ME2: variants seen among roughly 807,000 people sequenced by gnomAD.
The protein encoded by ME2 is malic enzyme 2.
A neutral mutation model predicts 73.7 loss-of-function variants in ME2; 60 were observed. The observed-to-expected ratio is 0.81, with a 90% CI of 0.66 to 1.01. The LOEUF is 1.01. ME2 is among the 50% of genes least tolerant of loss of function. The probability of loss-of-function intolerance (pLI) is 0.00; values close to 1 mark genes in which losing one functional copy is unlikely to be tolerated. For missense variants in ME2, 594 were observed against 705.5 expected, an observed-to-expected ratio of 0.84 and a Z score of 1.79; for synonymous variants, 199 against 236.9, an observed-to-expected ratio of 0.84 and a Z score of 1.47.
chr18:50,914,480 C>T (rs1240385272), intron 4 of ME2, among the ~76,000 whole-genome samples: 1 of 152,104 alleles, frequency 6.6e-6, no homozygotes, highest in Non-Finnish European at 1.5e-5. Context: ...AAGAGCATGG[C>T]TTATGTGTGA....
chr18:50,931,206 T>C lies in ME2; in HGVS notation c.1315-1052T>C, dbSNP rs112455080. Among the ~76,000 whole-genome samples the C allele has an allele frequency of 4.0e-3, 602 of 152,332 alleles. 3 individuals are homozygous for C. Among genetic ancestry groups the C allele is most frequent in the Non-Finnish European group, 7.0e-3 (479 of 68,026 alleles). ...TATAGAGCATAGTATCAAAATTGGA[T>C]AGATGTGACAAATTTGGAGAAGTAT... On this transcript the variant is annotated intron_variant, in intron 12 of 15. Coordinates refer to ENST00000321341, the MANE Select transcript of ME2 (RefSeq NM_002396.5).
rs1400104564 is a variant in ME2, at chr18:50,952,824, A to G, written c.*5640A>G. ...TACAGTGGGCCGATAATGACAAACT[A>G]AAGTTTGTGGTTAATACCTACTCTA... On this transcript the variant is annotated 3_prime_UTR_variant, in exon 16 of 16. Coordinates refer to ENST00000321341, the MANE Select transcript of ME2 (RefSeq NM_002396.5). 6.6e-6 allele frequency: 1 copy of G among 152,208 alleles called. No individual in the cohort carries two copies. Among genetic ancestry groups the G allele is most frequent in the African/African-American group, 2.4e-5 (1 of 41,450 alleles). 9.4% of individuals were successfully genotyped at this position (152,208 alleles called of 1,614,324 possible).
At position 50,895,804 on chromosome 18, in the gene ME2, C is replaced by G. The variant is rs754070540; in HGVS notation, c.-12-5C>G. The G allele has an allele frequency of 6.3e-7, 1 of 1,584,904 alleles. No individual in the cohort carries two copies. The highest frequency in any genetic ancestry group is 8.6e-7 in the Non-Finnish European group (1 of 1,156,202). On this transcript the variant is annotated splice_polypyrimidine_tract_variant and splice_region_variant and intron_variant, in intron 1 of 15. Transcript: ENST00000321341. ...TCAGTGGTTTATTTGCTTTGTTTTT[C>G]TCAGGTGAAAGAAAAGATGTTGTCC...
intron 2 of ME2, among the ~76,000 whole-genome samples, chr18:50,901,870 C>T (rs576106027): frequency 8.8e-4 from 134 of 152,332 alleles, no homozygotes; most frequent in African/African-American, 3.1e-3. Context: ...CACCTGAACA[C>T]TATTGATATA....
chr18:50,879,976 TGTG>T (rs959376729), intron 1 of ME2, among the ~76,000 whole-genome samples: 3 of 152,168 alleles, frequency 2.0e-5, no homozygotes, highest in Non-Finnish European at 4.4e-5. Context: ...TTACGTTGCT[TGTG>T]GTGAGAAGCG....
rs145282354 is a variant in ME2 at position 50,881,252 on chromosome 18, G to A, written c.-13+1944G>A. ...GGGTTTCACCATGTTTTTCAGGCTG[G>A]TCTCGAACTGCTGACCTCAAGTGCT... On this transcript the variant is annotated intron_variant, in intron 1 of 15. Coordinates refer to ENST00000321341, the MANE Select transcript of ME2 (RefSeq NM_002396.5). 3.9e-3 allele frequency among the ~76,000 whole-genome samples: 587 copies of A among 152,112 alleles called. 8 individuals carry two copies. The highest frequency in any genetic ancestry group is 0.014 in the African/African-American group (571 of 41,470).
chr18:50,948,263 T>A lies in ME2; in HGVS notation c.*1079T>A, dbSNP rs144120997. ...TAAATGGGGATGAATAAGGTTGGTG[T>A]TCATCTGGGAAATGCCTTTTTTAAT... On this transcript the variant is annotated 3_prime_UTR_variant, in exon 16 of 16. Coordinates refer to ENST00000321341, the MANE Select transcript of ME2 (RefSeq NM_002396.5). 358 of 152,300 alleles carry A rather than the reference T, an allele frequency of 2.4e-3. 2 individuals carry two copies. Among genetic ancestry groups the A allele is most frequent in the African/African-American group, 8.4e-3 (350 of 41,556 alleles). The allele number at this position is 152,300 out of a possible 1,614,324, so 9.4% of individuals were successfully genotyped here.
chr18:50,914,441 C>T (rs957866722), intron 4 of ME2, among the ~76,000 whole-genome samples: 2 of 152,132 alleles, frequency 1.3e-5, no homozygotes, highest in Non-Finnish European at 2.9e-5. Context: ...CTGATGTATA[C>T]CCAGAGTTGA....
Position 50,908,195 on chromosome 18 carries a change from A to G in ME2, c.241A>G (p.Lys81Glu). The change falls in exon 3 of 16, where the codon AAA becomes GAA. Residue 81 changes from lysine (K) to glutamate (E), a missense_variant and splice_region_variant. Lys to Glu is a moderately conservative substitution (Grantham distance 56). Coordinates refer to ENST00000321341, the MANE Select transcript of ME2 (RefSeq NM_002396.5). ...GAAGAAAATGACTAGCCCTTTGGAAAAGTAAGAGTTGCTTAGATGTTTCTT... is the reference window on the plus strand; with the variant it reads ...GAAGAAAATGACTAGCCCTTTGGAAGAGTAAGAGTTGCTTAGATGTTTCTT... Reference protein sequence around the residue: ...NLKKMTSPLEKYIYIMGIQER... With the variant: ...NLKKMTSPLEEYIYIMGIQER... The G allele has an allele frequency of 6.3e-7, 1 of 1,583,942 alleles. No homozygotes were observed. The highest frequency in any genetic ancestry group is 1.2e-5 in the South Asian group (1 of 84,790).
intron 2 of ME2, among the ~76,000 whole-genome samples, chr18:50,906,467 C>G (rs1037634595): frequency 6.6e-6 from 1 of 152,104 alleles, no homozygotes; most frequent in Non-Finnish European, 1.5e-5. Flanking sequence ...CACATGCCAC[C>G]ACGCCCGGCT....
intron 13 of ME2, chr18:50,935,337 C>A (rs1005175593): frequency 2.6e-5 from 4 of 151,832 alleles, no homozygotes; most frequent in African/African-American, 7.3e-5. Flanking sequence ...CTGGATATAC[C>A]GTAAATGCTA....
intron 2 of ME2, among the ~76,000 whole-genome samples, chr18:50,900,216 GTTT>G (rs561608978): frequency 6.9e-6 from 1 of 145,782 alleles, no homozygotes; most frequent in African/African-American, 2.5e-5. Context: ...GAGTGATGCA[GTTT>G]TTTTTTTTAA....
At chr18:50,919,159 G>A (rs1917361819) in intron 7 of ME2, among the ~76,000 whole-genome samples, 1 of 151,984 alleles carries the variant, frequency 6.6e-6, no homozygotes, top group Non-Finnish European at 1.5e-5. Flanking sequence ...CTCTCTTCTG[G>A]AGTTTTCTAA....
intron 6 of ME2, among the ~76,000 whole-genome samples, chr18:50,917,878 A>G (rs934020016): frequency 4.6e-5 from 7 of 152,134 alleles, no homozygotes; most frequent in African/African-American, 1.7e-4. Context: ...GGCTGAGGCA[A>G]GAGAATTGCT....
Position 50,920,719 on chromosome 18 carries a change from A to C in ME2, c.903A>C (p.Pro301=). ...CAGCACAAAAAGTTATTAGTAAACC[A>C]ATCTCCGAACACAAAATCTTATTCC... The part of the protein sequence containing the change: ...LLAAQKVISK[P]ISEHKILFLG... The change falls in exon 9 of 16, where the codon CCA becomes CCC. Residue 301 remains proline (P), a synonymous_variant. Coordinates refer to ENST00000321341, the MANE Select transcript of ME2 (RefSeq NM_002396.5). The C allele has an allele frequency of 6.2e-7, 1 of 1,612,030 alleles. No homozygotes were observed. Among genetic ancestry groups the C allele is most frequent in the Non-Finnish European group, 8.5e-7 (1 of 1,179,792 alleles).
intron 10 of ME2, among the ~76,000 whole-genome samples, 175 bp from the exon 11 acceptor site, chr18:50,923,923 G>T (rs1917483894): frequency 6.6e-6 from 1 of 152,070 alleles, no homozygotes; most frequent in Non-Finnish European, 1.5e-5. Flanking sequence ...TTTTATATTT[G>T]AGTTTATGGA....
chr18:50,942,613 T>C (rs1482906623), intron 15 of ME2: 2 of 252,752 alleles, frequency 7.9e-6, no homozygotes, highest in African/African-American at 4.4e-5. Context: ...TAATTTTGTT[T>C]TCTTCATCTG....
At chr18:50,907,302 G>A (rs765800466) in intron 2 of ME2, among the ~76,000 whole-genome samples, 5 of 152,104 alleles carry the variant, frequency 3.3e-5, no homozygotes, top group Non-Finnish European at 5.9e-5. Context: ...GTTAGTTTTC[G>A]ATTTAAAACT....
At chr18:50,908,639 CT>C (rs1192313252) in intron 3 of ME2, among the ~76,000 whole-genome samples, 1 of 152,162 alleles carries the variant, frequency 6.6e-6, no homozygotes, top group East Asian at 1.9e-4. Flanking sequence ...CCCTGGCAAA[CT>C]TTTTTTGTTT....
Sources: gnomAD v4.1 joint callset for allele counts (sites outside exome capture counted in the v4.1 genomes callset) on GRCh38, gnomAD v4.1.1 for gene constraint, MANE v1.5 for transcripts, NCBI Gene and HGNC (gene_info 2026-07-23, HGNC 2026-07-21) for gene names.